OCA2: variants seen among roughly 807,000 people sequenced by gnomAD.
The protein encoded by OCA2 is P protein.
OCA2 carries 77 observed loss-of-function variants against 100.2 expected under a neutral mutation model. The ratio of observed to expected loss-of-function variants is 0.77; its 90% CI spans 0.64 to 0.93. The LOEUF (loss-of-function observed/expected upper bound fraction) is 0.93, where lower values mean the gene tolerates loss of function less well. OCA2 is among the 40% of genes least tolerant of loss of function. The pLI, the probability that OCA2 is intolerant of heterozygous loss-of-function variation, is 0.00. For synonymous variants in OCA2, 432 were observed against 439.2 expected (o/e 0.98, Z 0.21); for missense variants, 1,062 against 1,089.1 (o/e 0.98, Z 0.35).
the OCA2 span, among the ~76,000 whole-genome samples, chr15:27,746,579 G>A: frequency 1.7e-4 from 26 of 152,112 alleles, no homozygotes; most frequent in Admixed American, 9.2e-4. Context: ...CCTCTTCTGC[G>A]GAACAACCCT....
intron 9 of OCA2, among the ~76,000 whole-genome samples, chr15:28,010,765 A>G (rs1329621435): frequency 6.6e-6 from 1 of 152,262 alleles, no homozygotes; most frequent in Non-Finnish European, 1.5e-5. Flanking sequence ...AAAGCACCAC[A>G]TGAAAAAGCA....
At chr15:28,062,719 G>A (rs968688487) in intron 2 of OCA2, among the ~76,000 whole-genome samples, 1 of 152,092 alleles carries the variant, frequency 6.6e-6, no homozygotes, top group African/African-American at 2.4e-5. Context: ...TCCCTTTTGA[G>A]TTAATTTTTG....
chr15:28,096,526 A>T (rs2044987131), intron 1 of OCA2, among the ~76,000 whole-genome samples: 1 of 152,182 alleles, frequency 6.6e-6, no homozygotes, highest in Non-Finnish European at 1.5e-5. Flanking sequence ...TCCAGGGGTC[A>T]GCCTCCTCCT....
At chr15:27,988,707 G>A (rs1036920732) in intron 11 of OCA2, among the ~76,000 whole-genome samples, 3 of 152,108 alleles carry the variant, frequency 2.0e-5, no homozygotes, top group Non-Finnish European at 4.4e-5. Context: ...TAAAAAAGGC[G>A]TATCTCAGGG....
At chr15:27,723,643 C>T in the OCA2 span, among the ~76,000 whole-genome samples, 1 of 152,124 alleles carries the variant, frequency 6.6e-6, no homozygotes, top group Non-Finnish European at 1.5e-5. Context: ...TGGGCGGCTT[C>T]AATCTCTCAT....
chr15:27,954,098 G>A (rs2040130204), intron 17 of OCA2, among the ~76,000 whole-genome samples: 1 of 147,492 alleles, frequency 6.8e-6, no homozygotes, highest in Non-Finnish European at 1.5e-5. Flanking sequence ...TTCTATGGCT[G>A]AGTAGTATTC....
intron 19 of OCA2, chr15:27,895,992 C>A: frequency 1.2e-6 from 1 of 836,702 alleles, no homozygotes; most frequent in Non-Finnish European, 2.0e-6. Flanking sequence ...AATTACGCTG[C>A]GGTGTATTGT....
chr15:28,093,838 C>T (rs968111909), intron 1 of OCA2, among the ~76,000 whole-genome samples: 1 of 152,144 alleles, frequency 6.6e-6, no homozygotes, highest in Non-Finnish European at 1.5e-5. Flanking sequence ...AAGCAAGTTC[C>T]AACAGACTAT....
At chr15:27,837,366 T>C (rs2035193108) in intron 23 of OCA2, among the ~76,000 whole-genome samples, 1 of 152,056 alleles carries the variant, frequency 6.6e-6, no homozygotes, top group African/African-American at 2.4e-5. Flanking sequence ...CACAATAAAC[T>C]CCACAGATCA....
chr15:27,844,027 T>C (rs1455883388), intron 23 of OCA2, among the ~76,000 whole-genome samples: 1 of 152,124 alleles, frequency 6.6e-6, no homozygotes, highest in Non-Finnish European at 1.5e-5. Context: ...ACCAAATAAA[T>C]GAAGTTCATT....
At chr15:27,734,497 A>G in the OCA2 span, among the ~76,000 whole-genome samples, 2 of 152,112 alleles carry the variant, frequency 1.3e-5, no homozygotes, top group South Asian at 2.1e-4. Context: ...AGGCCCCAGC[A>G]CTGGGCCTGT....
intron 15 of OCA2, among the ~76,000 whole-genome samples, chr15:27,959,499 T>C (rs896753020): frequency 2.6e-5 from 4 of 152,236 alleles, no homozygotes; most frequent in Admixed American, 6.5e-5. Context: ...TAAATCTTGC[T>C]AAAAGCCCGT....
At position 27,790,600 on chromosome 15, in the gene OCA2, CA is replaced by C. The variant is rs893152783; in HGVS notation, c.2433-35129del. Among the ~76,000 whole-genome samples, 10 of 152,108 alleles carry C rather than the reference CA, an allele frequency of 6.6e-5. No homozygotes were observed. The South Asian group carries it at 1.7e-3, about 25-fold the overall frequency. On this transcript the variant is annotated intron_variant, in intron 23 of 23. Coordinates refer to ENST00000354638, the MANE Select transcript of OCA2 (RefSeq NM_000275.3). ...GGACAAAAAAAAGACAAATTCTTGC[CA>C]GGGGCTGAAAGTGGAAAGGAGAGAT... is the stretch of plus-strand genomic sequence containing the variant.
chr15:27,749,652 C>G, the OCA2 span, among the ~76,000 whole-genome samples: 1 of 151,972 alleles, frequency 6.6e-6, no homozygotes, highest in African/African-American at 2.4e-5. Flanking sequence ...CCATGGTATA[C>G]AGGATCTACA....
intron 23 of OCA2, among the ~76,000 whole-genome samples, chr15:27,790,585 A>C (rs548572515): frequency 6.6e-6 from 1 of 152,342 alleles, no homozygotes; most frequent in African/African-American, 2.4e-5. Context: ...GGACAAAAAA[A>C]AGACAAATTC....
intron 19 of OCA2, among the ~76,000 whole-genome samples, chr15:27,916,479 C>G (rs888211529): frequency 6.6e-6 from 1 of 152,134 alleles, no homozygotes; most frequent in Non-Finnish European, 1.5e-5. Flanking sequence ...AATTTTTAAA[C>G]ATGAATTTAA....
chr15:28,083,686 T>A, intron 1 of OCA2, among the ~76,000 whole-genome samples: 1 of 152,200 alleles, frequency 6.6e-6, no homozygotes, highest in African/African-American at 2.4e-5. Flanking sequence ...ATTTAAATTT[T>A]TTTATTTAGA....
intron 23 of OCA2, among the ~76,000 whole-genome samples, chr15:27,805,554 T>C (rs1412630009): frequency 4.6e-5 from 7 of 152,110 alleles, no homozygotes; most frequent in Non-Finnish European, 1.0e-4. Context: ...TCGCCCAGGA[T>C]GTGGCAGCTG....
At chr15:27,780,507 G>T (rs1235784108) in intron 23 of OCA2, among the ~76,000 whole-genome samples, 1 of 152,196 alleles carries the variant, frequency 6.6e-6, no homozygotes. Context: ...ATGCCTGCCT[G>T]TCCCAACTCC....
Sources: gnomAD v4.1 joint callset for allele counts (sites outside exome capture counted in the v4.1 genomes callset) on GRCh38, gnomAD v4.1.1 for gene constraint, MANE v1.5 for transcripts, NCBI Gene and HGNC (gene_info 2026-07-23, HGNC 2026-07-21) for gene names.